Variants in C7 observed in about 807,000 individuals in gnomAD.
C7 encodes complement C7.
In C7, 83 loss-of-function variants were observed where a neutral mutation model predicts 104.8. The ratio of observed to expected loss-of-function variants is 0.79; its 90% CI spans 0.66 to 0.95. The LOEUF is 0.95. Ranked by LOEUF, C7 falls within the 40% of genes least tolerant of loss-of-function variation. The probability of loss-of-function intolerance (pLI) is 0.00; values close to 1 mark genes in which losing one functional copy is unlikely to be tolerated. For missense variants in C7, 1,070 were observed against 1,011.2 expected, an observed-to-expected ratio of 1.06 and a Z score of -0.79; for synonymous variants, 415 against 360.6, an observed-to-expected ratio of 1.15 and a Z score of -1.71.
In C7 at chr5:40,976,736, T is replaced by A. The variant is rs1162114405; in HGVS notation, c.2075-14T>A. 11 of 1,571,868 alleles carry A rather than the reference T, an allele frequency of 7.0e-6. No individual in the cohort carries two copies. The South Asian group carries it at 1.3e-4, about 18-fold the overall frequency. ...TTTTCTCCTAACGACCACATCTCCC[T>A]TATCCTTTTTTAGAAAATCCGTTAA... On this transcript the variant is annotated splice_polypyrimidine_tract_variant and intron_variant, in intron 15 of 17. Coordinates refer to ENST00000313164, the MANE Select transcript of C7 (RefSeq NM_000587.4).
At chr5:40,978,873 ATTT>A (rs372551834) in intron 16 of C7, among the ~76,000 whole-genome samples, 2,990 of 80,152 alleles carry the variant, frequency 0.037, 121 homozygotes, top group African/African-American at 0.11. Context: ...TTTTATGGAA[ATTT>A]TTTTTTTTTT....
At chr5:40,940,406 G>A (rs527742158) in intron 6 of C7, among the ~76,000 whole-genome samples, 118 of 152,264 alleles carry the variant, frequency 7.7e-4, no homozygotes, top group African/African-American at 2.7e-3. Context: ...GAGGACTATT[G>A]TGTTTATTCT....
At position 40,981,522 on chromosome 5, in the gene C7, G is replaced by A. The variant is rs1162260009; in HGVS notation, c.2481G>A (p.Gly827=). The part of the protein sequence containing the change: ...ECEAGALRCR[G]QSISVTSIRP... ...AGGCGGGCGCTCTGAGATGCAGAGG[G>A]CAGAGCATCTCTGTCACCAGCATAA... The change falls in exon 18 of 18, where the codon GGG becomes GGA. Residue 827 remains glycine (G), a synonymous_variant. Coordinates refer to ENST00000313164, the MANE Select transcript of C7 (RefSeq NM_000587.4). 6.2e-7 allele frequency: 1 copy of A among 1,613,710 alleles called. No homozygotes were observed. Among genetic ancestry groups the A allele is most frequent in the East Asian group, 2.2e-5 (1 of 44,862 alleles).
chr5:40,927,754 C>T (rs1202565266), intron 1 of C7, among the ~76,000 whole-genome samples: 1 of 152,054 alleles, frequency 6.6e-6, no homozygotes, highest in Non-Finnish European at 1.5e-5. Context: ...TCATCTCACA[C>T]CTGTCAGAAT....
At chr5:40,977,796 A>G (rs1390453247) in intron 16 of C7, among the ~76,000 whole-genome samples, 1 of 152,196 alleles carries the variant, frequency 6.6e-6, no homozygotes, top group African/African-American at 2.4e-5. Flanking sequence ...GGAGGAAATA[A>G]GAAATATCCA....
At chr5:40,953,794 A>C (rs1030910856) in intron 9 of C7, among the ~76,000 whole-genome samples, 1 of 152,230 alleles carries the variant, frequency 6.6e-6, no homozygotes, top group Admixed American at 6.5e-5. Flanking sequence ...GGATATCCTA[A>C]ATATCCTGAT....
At chr5:40,953,324 G>A (rs1740216608) in intron 9 of C7, among the ~76,000 whole-genome samples, 2 of 152,024 alleles carry the variant, frequency 1.3e-5, no homozygotes, top group Admixed American at 6.6e-5. Flanking sequence ...ATTGCTTAAT[G>A]GGTATAAACC....
chr5:40,951,533 G>T (rs867694156), intron 9 of C7, among the ~76,000 whole-genome samples: 16 of 152,184 alleles, frequency 1.1e-4, no homozygotes, highest in Non-Finnish European at 2.1e-4. Context: ...CTACCTGGGT[G>T]TTGGGATCAA....
intron 9 of C7, among the ~76,000 whole-genome samples, chr5:40,951,251 A>T (rs1324756958): frequency 6.6e-6 from 1 of 152,140 alleles, no homozygotes; most frequent in African/African-American, 2.4e-5. Flanking sequence ...TAAGTTCCTT[A>T]TATATTCTGA....
intron 1 of C7, among the ~76,000 whole-genome samples, chr5:40,914,374 G>C (rs188581900): frequency 2.6e-5 from 4 of 152,294 alleles, no homozygotes. Context: ...TTCTCTGTCA[G>C]ATGCATAATT....
Position 40,959,534 on chromosome 5 carries a change from C to T in C7, c.1575C>T (p.Asn525=), listed in dbSNP as rs755005711. ...GKKTRSRECN[N]PPPSGGGRSC... The stretch of plus-strand genomic sequence containing the variant: ...AAACAAGAAGCCGTGAATGCAATAA[C>T]CCACCTCCCAGTGGGGGTGGGAGAT... Residue 525 remains asparagine (N), a synonymous_variant, in exon 12 of 18, where the codon AAC becomes AAT. Transcript: ENST00000313164. 8.1e-6 allele frequency: 13 copies of T among 1,611,586 alleles called. No individual in the cohort carries two copies. In the South Asian group the frequency reaches 9.9e-5, roughly 12 times the overall value.
chr5:40,952,741 G>A (rs1004973025), intron 9 of C7, among the ~76,000 whole-genome samples: 5 of 151,966 alleles, frequency 3.3e-5, no homozygotes, highest in East Asian at 1.9e-4. Flanking sequence ...GAGAACATGC[G>A]GTGTTTGGTT....
chr5:40,972,727 G>C, intron 15 of C7, 133 bp downstream of exon 15: 1 of 653,074 alleles, frequency 1.5e-6, no homozygotes, highest in Non-Finnish European at 2.5e-6. Flanking sequence ...GATAGGGTCA[G>C]TTTGTAGACT....
At chr5:40,979,346 G>A (rs1326674701) in intron 16 of C7, among the ~76,000 whole-genome samples, 2 of 152,050 alleles carry the variant, frequency 1.3e-5, no homozygotes, top group Non-Finnish European at 2.9e-5. Flanking sequence ...GCAATTAATG[G>A]TCCCATTTGA....
intron 14 of C7, among the ~76,000 whole-genome samples, chr5:40,965,648 A>ATATATATATATT (rs35802990): frequency 1.5e-5 from 2 of 130,306 alleles, no homozygotes; most frequent in African/African-American, 6.4e-5. Flanking sequence ...ATATATATAT[A>ATATATATATATT]TTTTTTTTTT....
At chr5:40,943,968 G>GTTT (rs1739996196) in intron 6 of C7, among the ~76,000 whole-genome samples, 1 of 152,136 alleles carries the variant, frequency 6.6e-6, no homozygotes, top group Non-Finnish European at 1.5e-5. Context: ...CATGATTGTG[G>GTTT]TTAATAGCAT....
intron 15 of C7, among the ~76,000 whole-genome samples, chr5:40,975,037 C>A (rs753576306): frequency 2.6e-5 from 4 of 152,122 alleles, no homozygotes; most frequent in Non-Finnish European, 5.9e-5. Flanking sequence ...TTCCAGATGT[C>A]CCCTGGGGGA....
chr5:40,945,884 A>G (rs1740036768), intron 7 of C7, among the ~76,000 whole-genome samples: 1 of 102,064 alleles, frequency 9.8e-6, no homozygotes, highest in South Asian at 2.6e-4. Context: ...ACATATATAT[A>G]TATATATATA....
chr5:40,957,998 C>A, intron 10 of C7, 35 bp from the exon 11 acceptor site: 1 of 1,465,134 alleles, frequency 6.8e-7, no homozygotes, highest in Non-Finnish European at 9.3e-7. Flanking sequence ...TGCCTAAATC[C>A]CTGATTACTG....
Sources: gnomAD v4.1 joint callset for allele counts (sites outside exome capture counted in the v4.1 genomes callset) on GRCh38, gnomAD v4.1.1 for gene constraint, MANE v1.5 for transcripts, NCBI Gene and HGNC (gene_info 2026-07-23, HGNC 2026-07-21) for gene names.